Variants in NUDCD1 observed in about 807,000 individuals in gnomAD.
NUDCD1 encodes NudC domain containing 1, also known as nudC domain-containing protein 1.
In NUDCD1, 60 loss-of-function variants were observed where a neutral mutation model predicts 67.8. That is an observed-to-expected ratio of 0.88 (90% confidence interval 0.72 to 1.10). The LOEUF (loss-of-function observed/expected upper bound fraction) is 1.10, where lower values mean the gene tolerates loss of function less well. Ranked by LOEUF, NUDCD1 falls within the 50% of genes least tolerant of loss-of-function variation. The pLI is 0.00. For synonymous variants in NUDCD1, 244 were observed against 230.8 expected (o/e 1.06, Z -0.52); for missense variants, 643 against 695.0 (o/e 0.93, Z 0.84).
chr8:109,326,493 G>A (rs1016478717), intron 1 of NUDCD1, among the ~76,000 whole-genome samples: 1 of 152,194 alleles, frequency 6.6e-6, no homozygotes, highest in African/African-American at 2.4e-5. Context: ...AAAAGAAGTA[G>A]GGGGCAGCGA....
chr8:109,313,511 T>C (rs1815308178), intron 2 of NUDCD1, among the ~76,000 whole-genome samples: 1 of 151,926 alleles, frequency 6.6e-6, no homozygotes, highest in Admixed American at 6.6e-5. Flanking sequence ...AGATCAGGAG[T>C]ATGAGAAAAT....
intron 7 of NUDCD1, among the ~76,000 whole-genome samples, chr8:109,274,587 A>T (rs575999949): frequency 1.3e-5 from 2 of 152,138 alleles, no homozygotes; most frequent in Non-Finnish European, 2.9e-5. Flanking sequence ...CATGAAACTT[A>T]GTTTCTCTAT....
At chr8:109,256,237 G>GA (rs1813734825) in intron 8 of NUDCD1, among the ~76,000 whole-genome samples, 1 of 151,986 alleles carries the variant, frequency 6.6e-6, no homozygotes, top group South Asian at 2.1e-4. Context: ...ACTGAACTAG[G>GA]AAAAAATGGT....
chr8:109,330,568 C>A (rs908526334), intron 1 of NUDCD1, among the ~76,000 whole-genome samples: 6 of 152,224 alleles, frequency 3.9e-5, no homozygotes, highest in Admixed American at 3.9e-4. Flanking sequence ...GCAAAAGCCT[C>A]CTATCTGCTG....
chr8:109,291,770 C>A (rs941413777), intron 4 of NUDCD1, among the ~76,000 whole-genome samples: 1 of 152,036 alleles, frequency 6.6e-6, no homozygotes, highest in Admixed American at 6.6e-5. Context: ...GGCAAAGAAA[C>A]GAAGACAAAC....
At chr8:109,303,070 A>T (rs1005803289) in intron 2 of NUDCD1, among the ~76,000 whole-genome samples, 1 of 152,198 alleles carries the variant, frequency 6.6e-6, no homozygotes, top group Non-Finnish European at 1.5e-5. Flanking sequence ...CGCCTCCCCA[A>T]GGATCTTGCT....
intron 2 of NUDCD1, among the ~76,000 whole-genome samples, chr8:109,316,848 G>A (rs1815411190): frequency 6.6e-6 from 1 of 152,146 alleles, no homozygotes; most frequent in Non-Finnish European, 1.5e-5. Context: ...ATGGTACCTT[G>A]AAATTAGTTT....
chr8:109,287,820 C>T (rs529159393), intron 5 of NUDCD1, among the ~76,000 whole-genome samples: 55 of 152,068 alleles, frequency 3.6e-4, no homozygotes, highest in Admixed American at 6.6e-4. Flanking sequence ...TAATGAAAGG[C>T]CATGGATGTA....
intron 1 of NUDCD1, among the ~76,000 whole-genome samples, chr8:109,329,194 A>C (rs1272456396): frequency 6.6e-6 from 1 of 152,168 alleles, no homozygotes; most frequent in African/African-American, 2.4e-5. Context: ...AAAACAGAAA[A>C]AAGTATGAAG....
At chr8:109,251,178 T>C (rs982263158) in intron 8 of NUDCD1, among the ~76,000 whole-genome samples, 4 of 127,802 alleles carry the variant, frequency 3.1e-5, no homozygotes, top group Non-Finnish European at 7.1e-5. Flanking sequence ...CTTTTTTTTT[T>C]TTTCTTTTTT....
At chr8:109,330,437 A>G (rs1031990180) in intron 1 of NUDCD1, among the ~76,000 whole-genome samples, 1 of 152,228 alleles carries the variant, frequency 6.6e-6, no homozygotes, top group Non-Finnish European at 1.5e-5. Flanking sequence ...AAAAGAAATC[A>G]AATTACCAGA....
intron 8 of NUDCD1, among the ~76,000 whole-genome samples, chr8:109,260,765 C>CATCTCTGGG (rs56706448): frequency 0.021 from 3,147 of 152,294 alleles, 101 homozygotes; most frequent in African/African-American, 0.07. Flanking sequence ...AAAGAACCAT[C>CATCTCTGGG]ATCTCTGGGA....
At chr8:109,286,748 G>A (rs1255176135) in intron 5 of NUDCD1, among the ~76,000 whole-genome samples, 1 of 151,942 alleles carries the variant, frequency 6.6e-6, no homozygotes, top group African/African-American at 2.4e-5. Flanking sequence ...GTACTCAAAA[G>A]GAATTTCAAC....
rs148952622 is a variant in NUDCD1 at position 109,323,947 on chromosome 8, C to A, written c.119-1484G>T. Among the ~76,000 whole-genome samples the A allele has an allele frequency of 7.3e-3, 1,110 of 151,812 alleles. 18 individuals are homozygous for A. Among genetic ancestry groups the A allele is most frequent in the African/African-American group, 0.026 (1,072 of 41,440 alleles). On this transcript the variant is annotated intron_variant, in intron 1 of 9. Transcript: ENST00000239690. The stretch of plus-strand genomic sequence containing the variant: ...AATCAACTCAAAAACTATAAAAATA[C>A]CAAAAAGGAAACAGAGAAGAAATGC...
At chr8:109,284,272 G>A (rs1467869555) in intron 5 of NUDCD1, among the ~76,000 whole-genome samples, 1 of 152,100 alleles carries the variant, frequency 6.6e-6, no homozygotes, top group South Asian at 2.1e-4. Flanking sequence ...CAACATTGGA[G>A]CACCCTGATA....
At chr8:109,296,712 G>A (rs943261206) in intron 2 of NUDCD1, 143 bp from the exon 3 acceptor site, 17 of 585,388 alleles carry the variant, frequency 2.9e-5, no homozygotes, top group South Asian at 5.2e-5. Context: ...CTGTCCTACT[G>A]ATTCAGTTTT....
At chr8:109,260,251 T>C (rs1358803616) in intron 8 of NUDCD1, among the ~76,000 whole-genome samples, 2 of 152,228 alleles carry the variant, frequency 1.3e-5, no homozygotes, top group Non-Finnish European at 2.9e-5. Flanking sequence ...GGCTGGAGTG[T>C]AGGCACCATT....
chr8:109,322,156 A>G (rs1204158638), intron 2 of NUDCD1, among the ~76,000 whole-genome samples, 153 bp downstream of exon 2: 5 of 152,166 alleles, frequency 3.3e-5, no homozygotes, highest in Admixed American at 3.3e-4. Context: ...TAAAATTGAA[A>G]TAAGAAATGG....
chr8:109,275,621 AC>A, intron 6 of NUDCD1, 125 bp from the exon 7 acceptor site: 1 of 822,824 alleles, frequency 1.2e-6, no homozygotes, highest in South Asian at 2.1e-5. Context: ...AGGATGGTTT[AC>A]CAAAAATCTT....
Sources: gnomAD v4.1 joint callset for allele counts (sites outside exome capture counted in the v4.1 genomes callset) on GRCh38, gnomAD v4.1.1 for gene constraint, MANE v1.5 for transcripts, NCBI Gene and HGNC (gene_info 2026-07-23, HGNC 2026-07-21) for gene names.